Variants in CCDC192 observed in about 807,000 individuals in gnomAD.
CCDC192 encodes the protein coiled-coil domain containing 192.
intron 2 of CCDC192, among the ~76,000 whole-genome samples, chr5:127,719,581 A>G (rs1751887129): frequency 3.1e-5 from 4 of 129,526 alleles, no homozygotes; most frequent in Admixed American, 8.3e-5. Context: ...ATATATATAT[A>G]CCAAGCAGTG....
intron 2 of CCDC192, among the ~76,000 whole-genome samples, chr5:127,717,517 C>G (rs1384119009): frequency 1.3e-5 from 2 of 151,684 alleles, no homozygotes; most frequent in Non-Finnish European, 2.9e-5. Context: ...TGCCTGATAT[C>G]AAGAAAGATC....
intron 3 of CCDC192, among the ~76,000 whole-genome samples, chr5:127,766,307 CT>C: frequency 6.6e-6 from 1 of 151,784 alleles, no homozygotes; most frequent in South Asian, 2.1e-4. Context: ...CTGAGAATGA[CT>C]GATTACACAG....
intron 6 of CCDC192, among the ~76,000 whole-genome samples, chr5:127,876,475 T>G (rs1263663148): frequency 1.3e-5 from 2 of 152,188 alleles, no homozygotes; most frequent in East Asian, 3.9e-4. Context: ...AGTCACCCTC[T>G]AGAGCAGCCG....
intron 3 of CCDC192, among the ~76,000 whole-genome samples, chr5:127,795,438 T>C (rs138229457): frequency 3.2e-4 from 49 of 152,288 alleles, no homozygotes; most frequent in African/African-American, 1.2e-3. Context: ...AGTGTCTCTG[T>C]TGTTTAAACT....
At chr5:127,728,842 A>T (rs1257650947) in intron 2 of CCDC192, among the ~76,000 whole-genome samples, 2 of 152,196 alleles carry the variant, frequency 1.3e-5, no homozygotes, top group African/African-American at 4.8e-5. Context: ...AAATAAAAGG[A>T]TGGAGAAAAA....
intron 5 of CCDC192, among the ~76,000 whole-genome samples, chr5:127,832,405 T>A (rs960039822): frequency 6.6e-6 from 1 of 152,134 alleles, no homozygotes; most frequent in African/African-American, 2.4e-5. Context: ...CTGAAGAAAC[T>A]CCTGCACCAG....
intron 5 of CCDC192, among the ~76,000 whole-genome samples, chr5:127,843,785 A>T (rs1364389345): frequency 6.6e-6 from 1 of 152,134 alleles, no homozygotes; most frequent in Non-Finnish European, 1.5e-5. Flanking sequence ...ACATTACCAG[A>T]TCCTACCCAA....
At chr5:127,754,488 CACACAT>C (rs1754451211) in intron 3 of CCDC192, 113 bp downstream of exon 3, 2 of 357,828 alleles carry the variant, frequency 5.6e-6, no homozygotes, top group Middle Eastern at 7.0e-4. Flanking sequence ...CACACACACA[CACACAT>C]ACACACACAC....
intron 3 of CCDC192, among the ~76,000 whole-genome samples, chr5:127,776,159 GT>G: frequency 6.6e-6 from 1 of 152,246 alleles, no homozygotes; most frequent in Admixed American, 6.5e-5. Flanking sequence ...ATGTGAGAAA[GT>G]TTAGAACTTC....
intron 6 of CCDC192, among the ~76,000 whole-genome samples, chr5:127,908,739 G>T (rs1753265982): frequency 6.6e-6 from 1 of 152,144 alleles, no homozygotes; most frequent in African/African-American, 2.4e-5. Flanking sequence ...CCTTGTGGGA[G>T]GCTGAGGGTT....
chr5:127,813,621 C>G (rs887700794), intron 5 of CCDC192, among the ~76,000 whole-genome samples: 3 of 152,064 alleles, frequency 2.0e-5, no homozygotes, highest in East Asian at 1.9e-4. Context: ...TTTGCTTGAG[C>G]CTTTATGACT....
intron 6 of CCDC192, among the ~76,000 whole-genome samples, chr5:127,888,544 C>T (rs1463730855): frequency 6.6e-6 from 1 of 151,906 alleles, no homozygotes; most frequent in Non-Finnish European, 1.5e-5. Context: ...CACTATACTT[C>T]TAATTCATAT....
intron 6 of CCDC192, among the ~76,000 whole-genome samples, chr5:127,920,952 T>C (rs1753695317): frequency 6.6e-6 from 1 of 151,692 alleles, no homozygotes; most frequent in Middle Eastern, 3.4e-3. Flanking sequence ...CCCAGCTACC[T>C]GGGAGGCTGA....
chr5:127,770,760 G>C (rs900381227), intron 3 of CCDC192, among the ~76,000 whole-genome samples: 2 of 152,326 alleles, frequency 1.3e-5, no homozygotes, highest in African/African-American at 4.8e-5. Flanking sequence ...TTTTGAGAGG[G>C]AGTGAATGCA....
intron 6 of CCDC192, among the ~76,000 whole-genome samples, chr5:127,882,662 C>G (rs1291587452): frequency 1.3e-5 from 2 of 152,240 alleles, no homozygotes; most frequent in Non-Finnish European, 2.9e-5. Flanking sequence ...AAGCAATCCT[C>G]ACTAACACTG....
intron 6 of CCDC192, chr5:127,935,355 A>G (rs1754159471): frequency 6.6e-6 from 1 of 152,274 alleles, no homozygotes; most frequent in South Asian, 2.1e-4. Flanking sequence ...TAGTTGGGTC[A>G]GAAATTAGAT....
chr5:127,938,608 T>A lies in CCDC192; in HGVS notation c.536-2574T>A, dbSNP rs147842649. Among the ~76,000 whole-genome samples, 40 of 152,360 alleles carry A rather than the reference T, an allele frequency of 2.6e-4. No individual in the cohort carries two copies. The East Asian group carries it at 6.5e-3, about 25-fold the overall frequency. On this transcript the variant is annotated intron_variant, in intron 6 of 6. Coordinates refer to ENST00000514853, the MANE Select transcript of CCDC192 (RefSeq NM_001317938.2). ...TTTAAAAACATAAAAATAAGTCAGT[T>A]AAATTATTTTAAAAATACATTTTCT...
chr5:127,773,745 G>T (rs570820884), intron 3 of CCDC192, among the ~76,000 whole-genome samples: 2 of 152,036 alleles, frequency 1.3e-5, no homozygotes, highest in Non-Finnish European at 2.9e-5. Context: ...ATATTTTGTG[G>T]GTGTAAGTGT....
At chr5:127,731,481 C>A (rs769313284) in intron 2 of CCDC192, among the ~76,000 whole-genome samples, 1 of 152,138 alleles carries the variant, frequency 6.6e-6, no homozygotes, top group Non-Finnish European at 1.5e-5. Context: ...TATTAAAATA[C>A]CATTGACATT....
Sources: gnomAD v4.1 joint callset for allele counts (sites outside exome capture counted in the v4.1 genomes callset) on GRCh38, gnomAD v4.1.1 for gene constraint, MANE v1.5 for transcripts, NCBI Gene and HGNC (gene_info 2026-07-23, HGNC 2026-07-21) for gene names.